The following TCTN2 variants were observed in gnomAD, a reference collection of about 807,000 sequenced individuals.
The protein encoded by TCTN2 is tectonic-2.
In TCTN2, 66 loss-of-function variants were observed where a neutral mutation model predicts 83.4. The observed-to-expected ratio is 0.79, with a 90% CI of 0.65 to 0.97. The LOEUF (loss-of-function observed/expected upper bound fraction) is 0.97, where lower values mean the gene tolerates loss of function less well. Ranked by LOEUF, TCTN2 falls within the 50% of genes least tolerant of loss-of-function variation. The probability of loss-of-function intolerance (pLI) is 0.00; values close to 1 mark genes in which losing one functional copy is unlikely to be tolerated. For synonymous variants in TCTN2, 301 were observed against 326.7 expected, an observed-to-expected ratio of 0.92 and a Z score of 0.85; for missense variants, 794 against 858.1, an observed-to-expected ratio of 0.93 and a Z score of 0.93.
In TCTN2 at chr12:123,694,780, C is replaced by G. The variant is rs1186767828; in HGVS notation, c.1100-62C>G. 2.5e-6 allele frequency: 4 copies of G among 1,583,248 alleles called. No homozygotes were observed. The Middle Eastern group carries it at 5.1e-4, about 201-fold the overall frequency. ...AGGCCACGCAAGCAGAGAGAACCTC[C>G]CAGTAACAGAGTCAGGCTCAAAGAG... On this transcript the variant is annotated intron_variant, in intron 9 of 17. Coordinates refer to ENST00000303372, the MANE Select transcript of TCTN2 (RefSeq NM_024809.5).
intron 12 of TCTN2, chr12:123,696,871 G>A: frequency 1.8e-6 from 1 of 566,706 alleles, no homozygotes; most frequent in Non-Finnish European, 3.1e-6. Flanking sequence ...GCCAGAGGCA[G>A]TGTCACTTCT....
intron 14 of TCTN2, among the ~76,000 whole-genome samples, chr12:123,702,526 C>T (rs908018394): frequency 7.6e-6 from 1 of 131,786 alleles, no homozygotes; most frequent in Middle Eastern, 4.1e-3. Context: ...GGAGGGAGTC[C>T]TGTTGGACTC....
chr12:123,707,352 C>T (rs1566266083), intron 17 of TCTN2: 1 of 614,418 alleles, frequency 1.6e-6, no homozygotes, highest in Non-Finnish European at 2.9e-6. Context: ...GTTCAGACAA[C>T]TCTCGTGCCT....
At position 123,706,656 on chromosome 12, in the gene TCTN2, G is replaced by C. The variant is rs926830161; in HGVS notation, c.1770-70G>C. 7 of 1,610,062 alleles carry C rather than the reference G, an allele frequency of 4.3e-6. No individual in the cohort carries two copies. In the Admixed American group the frequency reaches 1.0e-4, roughly 23 times the overall value. On this transcript the variant is annotated intron_variant, in intron 15 of 17. Transcript: ENST00000303372. ...CTCAGGTTATATTGTGATTGCATCCGTTACCTGCTGTTCTTGGTGGAATAG... is the reference window on the plus strand; with the variant it reads ...CTCAGGTTATATTGTGATTGCATCCCTTACCTGCTGTTCTTGGTGGAATAG...
In TCTN2 at chr12:123,671,516, C is replaced by T. The variant is rs1009530513; in HGVS notation, c.92C>T (p.Pro31Leu). ...TTTCCTTCCCGCCTAGCTTTCATCC[C>T]TCCTTTTATCCGAATGTCCGGCCCT... ...RLLWGDLAFI[P>L]PFIRMSGPAV... Residue 31 changes from proline to leucine, a missense_variant, in exon 2 of 18, where the codon CCT becomes CTT. By Grantham distance (98) the Pro-to-Leu change is moderately conservative. Coordinates refer to ENST00000303372, the MANE Select transcript of TCTN2 (RefSeq NM_024809.5). 6.2e-7 allele frequency: 1 copy of T among 1,614,154 alleles called. No homozygotes were observed. The highest frequency in any genetic ancestry group is 1.1e-5 in the South Asian group (1 of 91,086).
chr12:123,686,428 T>C (rs765810922), intron 5 of TCTN2, among the ~76,000 whole-genome samples: 1 of 152,204 alleles, frequency 6.6e-6, no homozygotes, highest in Non-Finnish European at 1.5e-5. Context: ...ATATGGAACG[T>C]TTCCCCTCAC....
chr12:123,698,366 T>G (rs1312293260), intron 13 of TCTN2, among the ~76,000 whole-genome samples: 1 of 130,508 alleles, frequency 7.7e-6, no homozygotes, highest in African/African-American at 3.3e-5. Flanking sequence ...TTTGTTTTTG[T>G]TTTTTTTTTT....
chr12:123,699,190 G>A (rs867174927), intron 13 of TCTN2, among the ~76,000 whole-genome samples: 2 of 144,090 alleles, frequency 1.4e-5, no homozygotes, highest in Non-Finnish European at 3.0e-5. Context: ...ATCTTGCTCT[G>A]TCACCCAGGC....
chr12:123,690,430 A>C, intron 7 of TCTN2, 103 bp from the exon 8 acceptor site: 1 of 1,524,444 alleles, frequency 6.6e-7, no homozygotes, highest in Non-Finnish European at 9.0e-7. Flanking sequence ...CCAGACCAGC[A>C]ATGGGAGCAG....
At chr12:123,673,903 T>TACAAATGAGCTGCCCGGGAGGTTGAC (rs1955788366) in intron 4 of TCTN2, 93 bp downstream of exon 4, 7 of 1,257,586 alleles carry the variant, frequency 5.6e-6, no homozygotes, top group Non-Finnish European at 6.9e-6. Context: ...GGGAGGTTGA[T>TACAAATGAGCTGCCCGGGAGGTTGAC]GCTATAAATG....
intron 5 of TCTN2, among the ~76,000 whole-genome samples, chr12:123,681,256 C>CAAAAA (rs71088946): frequency 9.2e-4 from 132 of 142,868 alleles, no homozygotes; most frequent in African/African-American, 3.0e-3. Flanking sequence ...GACTCTCTTT[C>CAAAAA]AAAAAAAAAG....
chr12:123,685,746 A>G (rs1969272), intron 5 of TCTN2, among the ~76,000 whole-genome samples: 69,731 of 138,370 alleles, frequency 0.5, 19,071 homozygotes, highest in African/African-American at 0.73. Flanking sequence ...TTTTTTAAGA[A>G]GCAGGGTCTT....
rs371865300 is a variant in TCTN2 at position 123,687,054 on chromosome 12, G to A, written c.764+19G>A. On this transcript the variant is annotated intron_variant, in intron 6 of 17. Coordinates refer to ENST00000303372, the MANE Select transcript of TCTN2 (RefSeq NM_024809.5). ...GTGCTGTGTAAGTGTCTGAGCAGCC[G>A]CCTGGGATGGGGCATTGTTCTCCCG... The A allele has an allele frequency of 2.9e-5, 46 of 1,613,730 alleles. No individual in the cohort carries two copies. Among genetic ancestry groups the A allele is most frequent in the Middle Eastern group, 1.6e-4 (1 of 6,080 alleles).
chr12:123,706,874 T>G (rs1956236661), intron 16 of TCTN2, 23 bp downstream of exon 16: 3 of 1,614,066 alleles, frequency 1.9e-6, no homozygotes, highest in Non-Finnish European at 2.5e-6. Context: ...CTCACCTAGT[T>G]GACATTAGGA....
chr12:123,703,281 A>G (rs1956193213), intron 14 of TCTN2, among the ~76,000 whole-genome samples: 1 of 151,650 alleles, frequency 6.6e-6, no homozygotes, highest in African/African-American at 2.4e-5. Context: ...CCCAGGTTTC[A>G]AGTGATTCTC....
In TCTN2 at chr12:123,688,458, T is replaced by G. The variant is rs11829958; in HGVS notation, c.891+281T>G. Among the ~76,000 whole-genome samples the G allele has an allele frequency of 0.41, 62,862 of 151,886 alleles. 13,873 individuals are homozygous for G. The highest frequency in any genetic ancestry group is 0.55 in the African/African-American group (22,643 of 41,414). ...TCTCGATCTCTTGACCCTGTGATCC[T>G]AGTGCCTCAGCCTCCCAAAGTGCTG... On this transcript the variant is annotated intron_variant, in intron 7 of 17. Coordinates refer to ENST00000303372, the MANE Select transcript of TCTN2 (RefSeq NM_024809.5).
intron 5 of TCTN2, among the ~76,000 whole-genome samples, chr12:123,686,338 C>T (rs143924567): frequency 3.1e-4 from 47 of 152,292 alleles, no homozygotes; most frequent in East Asian, 2.3e-3. Flanking sequence ...TGAGCCCCTG[C>T]ACCCAGCCCC....
At chr12:123,697,765 A>T (rs1956127159) in intron 13 of TCTN2, among the ~76,000 whole-genome samples, 1 of 151,848 alleles carries the variant, frequency 6.6e-6, no homozygotes, top group South Asian at 2.1e-4. Context: ...AAGTGCTGGG[A>T]TTATAGGCGT....
rs1162940311 is a variant in TCTN2 at position 123,673,621 on chromosome 12, T to C, written c.274T>C (p.Leu92=). ...AGCAATGTTTTCCTTTCAGAAGGTG[T>C]TGGAAGTGACAGTGAGGTGGAAGAG... ...SVTVIPGAKV[L]EVTVRWKRGL... The change falls in exon 4 of 18, where the codon TTG becomes CTG. Residue 92 remains leucine, a synonymous_variant. Transcript: ENST00000303372. 3.1e-6 allele frequency: 5 copies of C among 1,614,094 alleles called. No homozygotes were observed. The Admixed American group carries it at 6.7e-5, about 22-fold the overall frequency.
Sources: allele counts gnomAD v4.1 joint callset (sites outside exome capture counted in the v4.1 genomes callset), GRCh38; gene constraint gnomAD v4.1.1; transcripts MANE v1.5; gene names NCBI Gene and HGNC (gene_info 2026-07-23, HGNC 2026-07-21).